The following MAPT variants were observed in gnomAD, a reference collection of about 807,000 sequenced individuals.
The protein encoded by MAPT is microtubule associated protein tau.
In MAPT, 34 loss-of-function variants were observed where a neutral mutation model predicts 67.9. The observed-to-expected ratio is 0.50, with a 90% CI of 0.38 to 0.67. The LOEUF is 0.67. MAPT is among the 30% of genes least tolerant of loss of function. The pLI, the probability that MAPT is intolerant of heterozygous loss-of-function variation, is 0.00. For synonymous variants in MAPT, 456 were observed against 464.5 expected (o/e 0.98, Z 0.23); for missense variants, 881 against 1,115.2 (o/e 0.79, Z 2.99).
chr17:45,963,603 ACT>A (rs1444260554), intron 2 of MAPT, among the ~76,000 whole-genome samples: 1 of 152,028 alleles, frequency 6.6e-6, no homozygotes, highest in Non-Finnish European at 1.5e-5. Flanking sequence ...AATGGCAAAC[ACT>A]CTACTTTTCT....
chr17:45,936,009 A>G (rs549437901), intron 1 of MAPT, among the ~76,000 whole-genome samples: 2 of 152,158 alleles, frequency 1.3e-5, no homozygotes, highest in South Asian at 2.1e-4. Context: ...CCACTCCCAA[A>G]CCCAACCCCC....
intron 9 of MAPT, among the ~76,000 whole-genome samples, chr17:45,997,022 C>T (rs755100600): frequency 5.3e-5 from 8 of 152,242 alleles, no homozygotes; most frequent in Admixed American, 2.0e-4. Context: ...GCACCCACAG[C>T]GGTTCCCCAC....
rs904646628 is a variant in MAPT, at chr17:46,026,157, C to T, written c.*1986C>T. ...TAAAGAGGTTTCTAACCCACCCTCA[C>T]GAGGTGTCTCTCACCCCCACACTGG... On this transcript the variant is annotated 3_prime_UTR_variant, in exon 13 of 13. Transcript: ENST00000262410. The T allele has an allele frequency of 2.0e-5, 3 of 152,386 alleles. No homozygotes were observed. The highest frequency in any genetic ancestry group is 4.8e-5 in the African/African-American group (2 of 41,362). The allele number at this position is 152,386 out of a possible 1,614,324, so 9.4% of individuals were successfully genotyped here. A position where few individuals can be genotyped will look rare whatever the true frequency, so the allele number is the denominator to read the frequency against.
Position 45,940,042 on chromosome 17 carries a change from C to A in MAPT, c.-17-22279C>A, listed in dbSNP as rs117706722. ...ACAAATGCAATGCCCTAGAATTGTA[C>A]TGGGGACTCAAAAAGAAAAGAGAGT... On this transcript the variant is annotated intron_variant, in intron 1 of 12. Coordinates refer to ENST00000262410, the MANE Select transcript of MAPT (RefSeq NM_001377265.1). 4.1e-3 allele frequency among the ~76,000 whole-genome samples: 623 copies of A among 152,268 alleles called. 4 individuals carry two copies. The highest frequency in any genetic ancestry group is 7.3e-3 in the Non-Finnish European group (498 of 68,012).
chr17:45,930,094 A>G (rs1196609894), intron 1 of MAPT, among the ~76,000 whole-genome samples: 1 of 152,136 alleles, frequency 6.6e-6, no homozygotes, highest in African/African-American at 2.4e-5. Context: ...AGAATATTTT[A>G]TGTTGTTACT....
chr17:45,926,570 C>T (rs2066310747), intron 1 of MAPT, among the ~76,000 whole-genome samples: 1 of 152,164 alleles, frequency 6.6e-6, no homozygotes, highest in African/African-American at 2.4e-5. Context: ...ACCTCGGCCT[C>T]CCGAAGTGCT....
chr17:45,955,686 A>G (rs2069561817), intron 1 of MAPT, among the ~76,000 whole-genome samples: 1 of 151,786 alleles, frequency 6.6e-6, no homozygotes, highest in Non-Finnish European at 1.5e-5. Flanking sequence ...AATCCAACAG[A>G]AGGCAGAGGG....
At chr17:45,941,705 G>GCCTTCCTTCCTTCCTGCCTTCCTT (rs2067976880) in intron 1 of MAPT, among the ~76,000 whole-genome samples, 4 of 25,568 alleles carry the variant, frequency 1.6e-4, no homozygotes, top group African/African-American at 2.2e-4. Context: ...CTTCCTGCCT[G>GCCTTCCTTCCTTCCTGCCTTCCTT]CCTTCCTTCC....
In MAPT at chr17:46,010,943, G is replaced by A. The variant is rs971908847; in HGVS notation, c.2091+541G>A. Among the ~76,000 whole-genome samples, 4 of 152,236 alleles carry A rather than the reference G, an allele frequency of 2.6e-5. No individual in the cohort carries two copies. Among genetic ancestry groups the A allele is most frequent in the East Asian group, 3.8e-4 (2 of 5,200 alleles). On this transcript the variant is annotated intron_variant, in intron 10 of 12. Coordinates refer to ENST00000262410, the MANE Select transcript of MAPT (RefSeq NM_001377265.1). The surrounding 1 kb of genome is among the most constrained non-coding windows in gnomAD (Gnocchi z 4.7). ...TCCTGCTCAGCTGCTGCTCCTACACGTTCAAGGCAGGAGCCGATTCCTAAG... is the reference window on the plus strand; with the variant it reads ...TCCTGCTCAGCTGCTGCTCCTACACATTCAAGGCAGGAGCCGATTCCTAAG...
At chr17:45,922,486 A>AAC (rs59017604) in intron 1 of MAPT, among the ~76,000 whole-genome samples, 20,279 of 146,516 alleles carry the variant, frequency 0.14, 1,762 homozygotes, top group East Asian at 0.32. Context: ...CTAGCTAGAG[A>AAC]ACACACACAC....
At chr17:45,983,968 C>A in intron 5 of MAPT, 38 bp downstream of exon 5, 1 of 1,359,662 alleles carries the variant, frequency 7.4e-7, no homozygotes, top group Non-Finnish European at 1.0e-6. Context: ...TCCCTGGGGA[C>A]CTCCCAGGCC....
rs530642155 is a variant in MAPT at position 45,986,889 on chromosome 17, A to T, written c.1352-151A>T. ...ATACTAACAATGCGAGGCCTAGCAG[A>T]TTCAAGGGAAAAGAGAACCAACTGG... On this transcript the variant is annotated intron_variant, in intron 5 of 12. Coordinates refer to ENST00000262410, the MANE Select transcript of MAPT (RefSeq NM_001377265.1). 4.4e-5 allele frequency: 30 copies of T among 679,620 alleles called. 2 individuals carry two copies. The South Asian group carries it at 4.8e-4, about 11-fold the overall frequency. 42.1% of individuals were successfully genotyped at this position (679,620 alleles called of 1,614,324 possible). A position where few individuals can be genotyped will look rare whatever the true frequency, so the allele number is the denominator to read the frequency against.
chr17:45,904,814 C>T (rs917873316), intron 1 of MAPT, among the ~76,000 whole-genome samples: 1 of 152,032 alleles, frequency 6.6e-6, no homozygotes, highest in East Asian at 1.9e-4. Context: ...CAGCTTTCTA[C>T]TTTGACAATG....
Position 45,915,775 on chromosome 17 carries a change from C to T in MAPT, c.-18+21089C>T, listed in dbSNP as rs1483872824. ...TAGTCTGTGACAACCCAGACTAGCC[C>T]ATGAGCCACCCTGTTCCCTGCATTT... On this transcript the variant is annotated intron_variant, in intron 1 of 12. Transcript: ENST00000262410. The surrounding 1 kb of genome is among the most constrained non-coding windows in gnomAD (Gnocchi z 4.4). 6.6e-6 allele frequency among the ~76,000 whole-genome samples: 1 copy of T among 152,094 alleles called. No individual in the cohort carries two copies. The highest frequency in any genetic ancestry group is 1.9e-4 in the East Asian group (1 of 5,190).
At chr17:45,909,100 C>A (rs1362296313) in intron 1 of MAPT, among the ~76,000 whole-genome samples, 1 of 152,196 alleles carries the variant, frequency 6.6e-6, no homozygotes, top group African/African-American at 2.4e-5. Context: ...TGGCACACAG[C>A]CCTGAGTGCA....
rs1196222070 is a variant in MAPT, at chr17:45,971,884, G to C, written c.159G>C (p.Glu53Asp). Residue 53 changes from glutamate (E) to aspartate (D), a missense_variant, in exon 3 of 13, where the codon GAG (glutamate) becomes GAC (aspartate). Around this residue, in one of 6 missense-constraint regions of MAPT, gnomAD observed 687 missense variants for 766.1 expected, o/e 0.90. Coordinates refer to ENST00000262410, the MANE Select transcript of MAPT (RefSeq NM_001377265.1). This position sits in a 1 kb window ranked among gnomAD's most constrained non-coding sequence, Gnocchi z 4.3. ...AATCTCCCCTGCAGACCCCCACTGA[G>C]GACGGATCTGAGGAACCGGGCTCTG... ...LKESPLQTPT[E>D]DGSEEPGSET... The C allele has an allele frequency of 3.1e-6, 5 of 1,613,956 alleles. No homozygotes were observed. In the Admixed American group the frequency reaches 5.0e-5, roughly 16 times the overall value.
intron 1 of MAPT, among the ~76,000 whole-genome samples, chr17:45,933,099 A>C (rs2066995917): frequency 6.6e-6 from 1 of 152,130 alleles, no homozygotes; most frequent in Non-Finnish European, 1.5e-5. Flanking sequence ...ACAAACAAAA[A>C]AAAAAACCTC....
At chr17:45,988,634 T>C (rs983780929) in intron 6 of MAPT, among the ~76,000 whole-genome samples, 1 of 151,888 alleles carries the variant, frequency 6.6e-6, no homozygotes, top group Non-Finnish European at 1.5e-5. Flanking sequence ...GAAAAAGAGA[T>C]AACATTGGAG....
intron 1 of MAPT, among the ~76,000 whole-genome samples, chr17:45,919,055 C>A (rs1232193732): frequency 1.4e-5 from 2 of 147,134 alleles, no homozygotes. Context: ...GACTGAGACT[C>A]TGTCTCAATA....
Sources: gnomAD v4.1 joint callset for allele counts (sites outside exome capture counted in the v4.1 genomes callset) on GRCh38, gnomAD v4.1.1 for gene constraint, gnomAD v4.1.1 regional missense constraint, Gnocchi (gnomAD v3.1) non-coding constraint, MANE v1.5 for transcripts, NCBI Gene and HGNC (gene_info 2026-07-23, HGNC 2026-07-21) for gene names.